The following EPHB1 variants were observed in gnomAD, a reference collection of about 807,000 sequenced individuals.
EPHB1 encodes ephrin type-B receptor 1.
EPHB1 carries 30 observed loss-of-function variants against 94.4 expected under a neutral mutation model. The observed-to-expected ratio is 0.32, with a 90% CI of 0.24 to 0.43. EPHB1 has a LOEUF of 0.43. Ranked by LOEUF, EPHB1 falls within the 20% of genes least tolerant of loss-of-function variation. EPHB1 has a pLI of 1.00. For missense variants in EPHB1, 1,055 were observed against 1,308.3 expected, an observed-to-expected ratio of 0.81 and a Z score of 2.99; for synonymous variants, 522 against 489.1, an observed-to-expected ratio of 1.07 and a Z score of -0.89.
At chr3:135,223,569 T>C (rs1423403113) in intron 12 of EPHB1, among the ~76,000 whole-genome samples, 1 of 152,216 alleles carries the variant, frequency 6.6e-6, no homozygotes, top group Admixed American at 6.5e-5. Flanking sequence ...AGAGACACTT[T>C]ATTGTATTTT....
chr3:134,849,124 A>G (rs1418760503), intron 1 of EPHB1, among the ~76,000 whole-genome samples: 1 of 152,238 alleles, frequency 6.6e-6, no homozygotes, highest in Non-Finnish European at 1.5e-5. Context: ...GCATCAGCAC[A>G]CACACTGGTC....
chr3:134,874,636 C>T (rs2037579165), intron 1 of EPHB1, among the ~76,000 whole-genome samples: 2 of 152,318 alleles, frequency 1.3e-5, no homozygotes, highest in South Asian at 4.1e-4. Flanking sequence ...TCCTTTGGCT[C>T]CTGGAGGCAG....
chr3:135,171,628 AG>A, intron 9 of EPHB1, among the ~76,000 whole-genome samples: 1 of 152,362 alleles, frequency 6.6e-6, no homozygotes, highest in Non-Finnish European at 1.5e-5. Context: ...AAAATAAAGC[AG>A]TGCAAATAGG....
At chr3:135,102,658 A>C (rs1939074234) in intron 3 of EPHB1, among the ~76,000 whole-genome samples, 1 of 152,224 alleles carries the variant, frequency 6.6e-6, no homozygotes, top group Non-Finnish European at 1.5e-5. Context: ...AAATCATTCT[A>C]CTATAAAGAC....
rs1239832622 is a variant in EPHB1, at chr3:135,259,573, A to G, written c.*453A>G. On this transcript the variant is annotated 3_prime_UTR_variant, in exon 16 of 16. Coordinates refer to ENST00000398015, the MANE Select transcript of EPHB1 (RefSeq NM_004441.5). ...CCCTGAGAGTCCCCTCCCTTCTCCC[A>G]CACTCGTTTCCCTTTGCTCATGACT... 5.1e-6 allele frequency: 1 copy of G among 197,042 alleles called. No homozygotes were observed. The highest frequency in any genetic ancestry group is 2.3e-5 in the African/African-American group (1 of 43,200). 12.2% of individuals were successfully genotyped at this position (197,042 alleles called of 1,614,324 possible).
intron 12 of EPHB1, among the ~76,000 whole-genome samples, chr3:135,234,896 T>G (rs1480947518): frequency 1.3e-5 from 2 of 152,164 alleles, no homozygotes; most frequent in Non-Finnish European, 2.9e-5. Flanking sequence ...GGAACTACAA[T>G]TCAAGATGAG....
At position 134,835,691 on chromosome 3, in the gene EPHB1, G is replaced by A. The variant is rs760181158; in HGVS notation, c.58+40002G>A. ...TGGGACATACATTGGAGTTGGCAGT[G>A]AGAGGAAAGACCCCTGATCCTTGAG... On this transcript the variant is annotated intron_variant, in intron 1 of 15. Coordinates refer to ENST00000398015, the MANE Select transcript of EPHB1 (RefSeq NM_004441.5). Among the ~76,000 whole-genome samples, 23 of 152,194 alleles carry A rather than the reference G, an allele frequency of 1.5e-4. 1 individual carries two copies. Among genetic ancestry groups the A allele is most frequent in the Non-Finnish European group, 2.9e-5 (2 of 68,038 alleles).
intron 3 of EPHB1, among the ~76,000 whole-genome samples, chr3:134,969,727 A>C (rs1933896576): frequency 6.6e-6 from 1 of 152,160 alleles, no homozygotes; most frequent in African/African-American, 2.4e-5. Context: ...TATCCTCTTT[A>C]ATTGGTGACG....
intron 3 of EPHB1, among the ~76,000 whole-genome samples, chr3:134,976,205 A>G (rs757533357): frequency 1.1e-4 from 16 of 152,196 alleles, no homozygotes; most frequent in Non-Finnish European, 2.2e-4. Context: ...TCAGAGATCT[A>G]TGGGAGCAGC....
At chr3:135,168,109 C>T (rs866568950) in intron 9 of EPHB1, among the ~76,000 whole-genome samples, 10 of 152,310 alleles carry the variant, frequency 6.6e-5, no homozygotes, top group South Asian at 2.1e-4. Context: ...CAGCCAATGC[C>T]GACTCGGGCT....
At chr3:134,870,829 T>A (rs1350377201) in intron 1 of EPHB1, among the ~76,000 whole-genome samples, 1 of 152,256 alleles carries the variant, frequency 6.6e-6, no homozygotes, top group Non-Finnish European at 1.5e-5. Context: ...CTCTTAGCCA[T>A]GTCTGCCTGT....
At chr3:135,042,226 C>T (rs571216229) in intron 3 of EPHB1, among the ~76,000 whole-genome samples, 11 of 152,270 alleles carry the variant, frequency 7.2e-5, no homozygotes, top group South Asian at 2.1e-4. Context: ...CCACCATACC[C>T]GGCCTCATCT....
At chr3:134,815,393 TG>T (rs2036251531) in intron 1 of EPHB1, among the ~76,000 whole-genome samples, 1 of 151,756 alleles carries the variant, frequency 6.6e-6, no homozygotes, top group Admixed American at 6.6e-5. Flanking sequence ...ATATAATAAA[TG>T]TGTATATAAT....
At chr3:135,227,748 AAAT>A (rs1462250523) in intron 12 of EPHB1, among the ~76,000 whole-genome samples, 1 of 152,206 alleles carries the variant, frequency 6.6e-6, no homozygotes, top group African/African-American at 2.4e-5. Flanking sequence ...AATTTTAAAA[AAAT>A]AATGTCAAAC....
At chr3:135,015,524 G>A (rs1390789195) in intron 3 of EPHB1, among the ~76,000 whole-genome samples, 1 of 152,156 alleles carries the variant, frequency 6.6e-6, no homozygotes, top group Non-Finnish European at 1.5e-5. Flanking sequence ...TTATAGGTGT[G>A]AGCCACCATG....
chr3:135,114,258 C>T (rs964192379), intron 4 of EPHB1, among the ~76,000 whole-genome samples: 2 of 152,050 alleles, frequency 1.3e-5, no homozygotes, highest in African/African-American at 4.8e-5. Context: ...AGTGTGGGCT[C>T]TGGAGCCTGT....
At chr3:134,895,146 C>T (rs568087143) in intron 1 of EPHB1, among the ~76,000 whole-genome samples, 14 of 152,332 alleles carry the variant, frequency 9.2e-5, no homozygotes, top group South Asian at 2.1e-4. Flanking sequence ...TAGGAGTCTA[C>T]ATTAGGAGAA....
At chr3:134,889,303 G>T (rs1213893087) in intron 1 of EPHB1, among the ~76,000 whole-genome samples, 2 of 151,896 alleles carry the variant, frequency 1.3e-5, no homozygotes, top group Non-Finnish European at 2.9e-5. Flanking sequence ...TTAGTAGATT[G>T]CAAATTCTGC....
intron 5 of EPHB1, among the ~76,000 whole-genome samples, chr3:135,133,510 A>T (rs961526230): frequency 6.6e-6 from 1 of 152,204 alleles, no homozygotes; most frequent in African/African-American, 2.4e-5. Context: ...TGAGAACAGG[A>T]CGACAAATGA....
Sources: gnomAD v4.1 joint callset for allele counts (sites outside exome capture counted in the v4.1 genomes callset) on GRCh38, gnomAD v4.1.1 for gene constraint, MANE v1.5 for transcripts, NCBI Gene and HGNC (gene_info 2026-07-23, HGNC 2026-07-21) for gene names.